The following MTOR variants were observed in gnomAD, a reference collection of about 807,000 sequenced individuals.
The protein encoded by MTOR is serine/threonine-protein kinase mTOR.
In MTOR, 70 loss-of-function variants were observed where a neutral mutation model predicts 319.8. The ratio of observed to expected loss-of-function variants is 0.22; its 90% CI spans 0.18 to 0.27. The LOEUF (loss-of-function observed/expected upper bound fraction) is 0.27. MTOR is among the 10% of genes least tolerant of loss of function. MTOR has a pLI of 1.00. For synonymous variants in MTOR, 1,183 were observed against 1,211.4 expected (o/e 0.98, Z 0.49); for missense variants, 1,890 against 3,274.4 (o/e 0.58, Z 10.32).
chr1:11,230,745 T>C (rs1165936719), intron 18 of MTOR, among the ~76,000 whole-genome samples, 180 bp downstream of exon 18: 14 of 152,164 alleles, frequency 9.2e-5, no homozygotes. Flanking sequence ...CTGGCCACAA[T>C]GGGAAGCAGC....
intron 36 of MTOR, among the ~76,000 whole-genome samples, chr1:11,137,344 C>T (rs936457046): frequency 2.6e-5 from 4 of 151,974 alleles, no homozygotes; most frequent in Non-Finnish European, 5.9e-5. Flanking sequence ...GGTTTAAACT[C>T]TTTGGTGGAC....
chr1:11,153,155 T>C (rs1644204242), intron 30 of MTOR, among the ~76,000 whole-genome samples: 1 of 152,034 alleles, frequency 6.6e-6, no homozygotes, highest in Non-Finnish European at 1.5e-5. Flanking sequence ...CTAGGAAAAG[T>C]GGTCATCTTT....
intron 36 of MTOR, among the ~76,000 whole-genome samples, chr1:11,136,176 G>C (rs1221279951): frequency 6.6e-6 from 1 of 152,128 alleles, no homozygotes; most frequent in Non-Finnish European, 1.5e-5. Flanking sequence ...TAGTGATGAT[G>C]GCCTTGAAGA....
intron 28 of MTOR, among the ~76,000 whole-genome samples, chr1:11,185,295 G>C (rs1645278785): frequency 2.7e-5 from 4 of 150,666 alleles, no homozygotes; most frequent in Admixed American, 2.6e-4. Context: ...ACTGACTCTG[G>C]CCAGGTGTGG....
intron 28 of MTOR, chr1:11,193,603 AGGC>A: frequency 6.2e-7 from 1 of 1,602,642 alleles, no homozygotes; most frequent in Non-Finnish European, 8.5e-7. Flanking sequence ...TGGAGACTTC[AGGC>A]GGAGGCTGGA....
intron 29 of MTOR, 133 bp from the exon 30 acceptor site, chr1:11,157,424 G>C: frequency 2.6e-6 from 3 of 1,157,516 alleles, no homozygotes; most frequent in Non-Finnish European, 3.5e-6. Flanking sequence ...GTCTGGGCTT[G>C]GATTAAAAAC....
Position 11,106,930 on chromosome 1 carries a change from C to A in MTOR, c.*555G>T. On this transcript the variant is annotated 3_prime_UTR_variant, in exon 58 of 58. Coordinates refer to ENST00000361445, the MANE Select transcript of MTOR (RefSeq NM_004958.4). ...ATCACTGGGTCTGATGGAAGACAGA[C>A]CTTTTGTACTCATTTTGGCCTATCT... 7.3e-7 allele frequency: 1 copy of A among 1,369,942 alleles called. No individual in the cohort carries two copies. Among genetic ancestry groups the A allele is most frequent in the Non-Finnish European group, 9.6e-7 (1 of 1,038,594 alleles). 84.9% of individuals were successfully genotyped at this position (1,369,942 alleles called of 1,614,324 possible).
Position 11,107,549 on chromosome 1 carries a change from A to G in MTOR, c.7635-49T>C, listed in dbSNP as rs41274504. On this transcript the variant is annotated intron_variant, in intron 57 of 57. Coordinates refer to ENST00000361445, the MANE Select transcript of MTOR (RefSeq NM_004958.4). The stretch of plus-strand genomic sequence containing the variant: ...ATATTTTAATAATTTGAGCTTCTTC[A>G]AAGGTTTACACAGATAACTTGAAAA... The G allele has an allele frequency of 4.4e-6, 7 of 1,601,176 alleles. No individual in the cohort carries two copies. The East Asian group carries it at 1.3e-4, about 31-fold the overall frequency.
At chr1:11,117,459 C>A (rs1570914230) in intron 49 of MTOR, among the ~76,000 whole-genome samples, 1 of 152,162 alleles carries the variant, frequency 6.6e-6, no homozygotes, top group African/African-American at 2.4e-5. Flanking sequence ...CTGTGCCTGG[C>A]CTAATCAGTT....
At chr1:11,222,740 G>A (rs1646709236) in intron 19 of MTOR, among the ~76,000 whole-genome samples, 1 of 151,880 alleles carries the variant, frequency 6.6e-6, no homozygotes, top group Non-Finnish European at 1.5e-5. Flanking sequence ...TGAGAGATAT[G>A]TCATGGAAAA....
intron 1 of MTOR, among the ~76,000 whole-genome samples, chr1:11,260,326 T>A (rs1569860067): frequency 6.6e-6 from 1 of 152,234 alleles, no homozygotes; most frequent in African/African-American, 2.4e-5. Context: ...GCAGATCACC[T>A]GAGGTCAGGA....
intron 28 of MTOR, among the ~76,000 whole-genome samples, chr1:11,196,859 AAAAAGAAAAG>A (rs577414101): frequency 4.0e-5 from 6 of 151,686 alleles, no homozygotes; most frequent in Non-Finnish European, 8.8e-5. Context: ...TAAAAAAAAA[AAAAAGAAAAG>A]AAAAGAAAAG....
intron 3 of MTOR, 148 bp from the exon 4 acceptor site, chr1:11,257,313 A>T: frequency 3.8e-6 from 2 of 531,178 alleles, no homozygotes; most frequent in Non-Finnish European, 3.4e-6. Context: ...AGGCGGGCGG[A>T]TTGCCTGAGC....
intron 49 of MTOR, among the ~76,000 whole-genome samples, chr1:11,119,552 CAG>C (rs1642384501): frequency 8.2e-6 from 1 of 122,142 alleles, no homozygotes; most frequent in African/African-American, 3.3e-5. Flanking sequence ...GCCTGGGTGA[CAG>C]ACTGAGATTC....
chr1:11,261,500 C>A (rs1050097918), intron 1 of MTOR, among the ~76,000 whole-genome samples: 1 of 151,908 alleles, frequency 6.6e-6, no homozygotes, highest in Admixed American at 6.6e-5. Context: ...CCAATTAGTT[C>A]CTGAGCTCAT....
Position 11,127,573 on chromosome 1 carries a change from T to C in MTOR, c.6216+51A>G, listed in dbSNP as rs144845502. On this transcript the variant is annotated intron_variant, in intron 44 of 57. Transcript: ENST00000361445. The surrounding 1 kb of genome is among the most constrained non-coding windows in gnomAD (Gnocchi z 5.5). ...CTTTTCTCATTTCATTTTTTTTTAGTGGCAGAATATTTCTACAGGGTTATG... is the reference window on the plus strand; with the variant it reads ...CTTTTCTCATTTCATTTTTTTTTAGCGGCAGAATATTTCTACAGGGTTATG... 303 of 1,526,250 alleles carry C rather than the reference T, an allele frequency of 2.0e-4. 2 individuals carry two copies. The East Asian group carries it at 5.8e-3, about 29-fold the overall frequency. The allele number at this position is 1,526,250 out of a possible 1,614,324, so 94.5% of individuals were successfully genotyped here.
intron 19 of MTOR, among the ~76,000 whole-genome samples, chr1:11,224,740 A>G (rs920838305): frequency 2.0e-5 from 3 of 152,222 alleles, no homozygotes; most frequent in Non-Finnish European, 2.9e-5. Context: ...TCAATATAAA[A>G]AAGAGAAATT....
At chr1:11,202,883 G>A (rs1201526739) in intron 26 of MTOR, among the ~76,000 whole-genome samples, 8 of 151,350 alleles carry the variant, frequency 5.3e-5, no homozygotes, top group Admixed American at 2.0e-4. Flanking sequence ...ACTCCAGCCC[G>A]GGCAGCAGAG....
At chr1:11,244,666 T>C (rs534466719) in intron 8 of MTOR, among the ~76,000 whole-genome samples, 2 of 152,288 alleles carry the variant, frequency 1.3e-5, no homozygotes, top group African/African-American at 4.8e-5. Context: ...AACAGTACAG[T>C]CGTGTGCCAC....
Sources: allele counts gnomAD v4.1 joint callset (sites outside exome capture counted in the v4.1 genomes callset), GRCh38; gene constraint gnomAD v4.1.1; non-coding constraint Gnocchi (gnomAD v3.1); transcripts MANE v1.5; gene names NCBI Gene and HGNC (gene_info 2026-07-23, HGNC 2026-07-21).